LRP1B: variants seen among roughly 807,000 people sequenced by gnomAD.
LRP1B encodes LDL receptor related protein 1B, also known as low-density lipoprotein receptor-related protein 1B.
LRP1B carries 217 observed loss-of-function variants against 556.6 expected under a neutral mutation model. That is an observed-to-expected ratio of 0.39 (90% CI 0.35 to 0.44). The LOEUF is 0.44. Among genes scored for constraint, LRP1B ranks in the 20% least tolerant of loss-of-function variants. The pLI is 1.00. For synonymous variants in LRP1B, 2,047 were observed against 1,865.8 expected (o/e 1.10, Z -2.50); for missense variants, 5,053 against 5,620.8 (o/e 0.90, Z 3.23).
chr2:140,352,558 A>C (rs1445242909), intron 76 of LRP1B, among the ~76,000 whole-genome samples: 2 of 152,100 alleles, frequency 1.3e-5, no homozygotes, highest in Non-Finnish European at 2.9e-5. Flanking sequence ...AAACCTTTAA[A>C]ATCCTTACTC....
chr2:141,414,061 A>C (rs547191872), intron 3 of LRP1B, among the ~76,000 whole-genome samples: 22 of 151,700 alleles, frequency 1.5e-4, no homozygotes, highest in Admixed American at 3.9e-4. Flanking sequence ...GACGGTGAAA[A>C]CCTGTCTCTA....
intron 45 of LRP1B, among the ~76,000 whole-genome samples, chr2:140,540,483 G>A (rs922399736): frequency 1.3e-5 from 2 of 152,194 alleles, no homozygotes; most frequent in Non-Finnish European, 1.5e-5. Context: ...CACCATGCAA[G>A]GCTGCAATGT....
At chr2:141,348,425 A>G (rs1688328669) in intron 3 of LRP1B, among the ~76,000 whole-genome samples, 1 of 152,034 alleles carries the variant, frequency 6.6e-6, no homozygotes, top group Non-Finnish European at 1.5e-5. Context: ...AATGAGTGCA[A>G]GATAATATAA....
chr2:140,589,591 C>A (rs1347526223), intron 43 of LRP1B, among the ~76,000 whole-genome samples: 5 of 152,164 alleles, frequency 3.3e-5, no homozygotes, highest in Non-Finnish European at 7.4e-5. Flanking sequence ...TTATTCATAT[C>A]ATAGATACTA....
intron 1 of LRP1B, among the ~76,000 whole-genome samples, chr2:142,057,213 TA>T (rs1372942883): frequency 1.3e-5 from 2 of 152,138 alleles, no homozygotes; most frequent in Admixed American, 6.5e-5. Context: ...CATTGCACCT[TA>T]ATTACCCCAA....
At chr2:140,598,884 T>C (rs1271820481) in intron 42 of LRP1B, 49 bp from the exon 43 acceptor site, 1 of 1,219,532 alleles carries the variant, frequency 8.2e-7, no homozygotes, top group South Asian at 1.3e-5. Context: ...TCATCAAGAG[T>C]AAAAATACTA....
intron 62 of LRP1B, among the ~76,000 whole-genome samples, chr2:140,456,146 G>A (rs948204779): frequency 1.3e-5 from 2 of 152,136 alleles, no homozygotes; most frequent in Non-Finnish European, 1.5e-5. Flanking sequence ...AGATTATCTT[G>A]AGAGATTTCC....
At chr2:141,136,282 C>T (rs1483333566) in intron 7 of LRP1B, among the ~76,000 whole-genome samples, 1 of 151,790 alleles carries the variant, frequency 6.6e-6, no homozygotes, top group Non-Finnish European at 1.5e-5. Context: ...GGTAAAAAGT[C>T]ACCCTGAAGG....
rs1178173310 is a variant in LRP1B at position 140,840,925 on chromosome 2, C to G, written c.5107G>C (p.Val1703Leu). The G allele has an allele frequency of 6.2e-7, 1 of 1,600,520 alleles. No individual in the cohort carries two copies. The highest frequency in any genetic ancestry group is 1.3e-5 in the African/African-American group (1 of 74,374). The part of the protein sequence containing the change: ...DKPQCLAAHP[V>L]RGKLYWTDGN... ...AAAAAAATCATACTTTACCCCCTGACTGGGTGAGCTGCAAGACACTGTGGC... is the reference window on the plus strand; with the variant it reads ...AAAAAAATCATACTTTACCCCCTGAGTGGGTGAGCTGCAAGACACTGTGGC... Residue 1703 changes from valine to leucine, a missense_variant, in exon 30 of 91, where the codon GTC becomes CTC. Val to Leu is a conservative substitution (Grantham distance 32). Transcript: ENST00000389484.
intron 7 of LRP1B, among the ~76,000 whole-genome samples, chr2:141,145,278 A>G (rs1475327806): frequency 6.6e-6 from 1 of 152,140 alleles, no homozygotes; most frequent in Non-Finnish European, 1.5e-5. Context: ...TTTTAAATTT[A>G]GCTTAGTTCT....
At chr2:140,897,464 G>T (rs933894526) in intron 23 of LRP1B, among the ~76,000 whole-genome samples, 1 of 152,144 alleles carries the variant, frequency 6.6e-6, no homozygotes, top group East Asian at 1.9e-4. Context: ...GACTGTAATA[G>T]TTAATATTGA....
rs576359789 is a variant in LRP1B at position 141,856,441 on chromosome 2, G to A, written c.83-46040C>T. ...TATATTTTTGCTTCCTCAGACATGG[G>A]AAACCACTGTTCATACAAATTTCAC... On this transcript the variant is annotated intron_variant, in intron 1 of 90. Coordinates refer to ENST00000389484, the MANE Select transcript of LRP1B (RefSeq NM_018557.3). Among the ~76,000 whole-genome samples the A allele has an allele frequency of 1.5e-3, 225 of 152,102 alleles. 1 individual carries two copies. Among genetic ancestry groups the A allele is most frequent in the Non-Finnish European group, 1.4e-3 (94 of 67,990 alleles).
chr2:142,130,492 C>T (rs1404458760), intron 1 of LRP1B, among the ~76,000 whole-genome samples, 156 bp downstream of exon 1: 1 of 152,310 alleles, frequency 6.6e-6, no homozygotes, highest in East Asian at 1.9e-4. Flanking sequence ...CCGCACCGCA[C>T]CTCTCACCCC....
chr2:141,945,760 T>A (rs1341660252), intron 1 of LRP1B, among the ~76,000 whole-genome samples: 1 of 141,256 alleles, frequency 7.1e-6, no homozygotes, highest in Non-Finnish European at 1.6e-5. Context: ...TCAATGCACT[T>A]CATCTGTCTC....
intron 7 of LRP1B, chr2:141,167,282 T>C (rs770980007): frequency 1.3e-5 from 2 of 152,006 alleles, no homozygotes; most frequent in South Asian, 2.1e-4. Flanking sequence ...CTCACAAATA[T>C]CATCTTTATG....
At chr2:140,541,751 A>ATT (rs760504422) in intron 44 of LRP1B, 28 bp downstream of exon 44, 3 of 1,545,650 alleles carry the variant, frequency 1.9e-6, no homozygotes, top group Non-Finnish European at 2.7e-6. Flanking sequence ...ACAATGAAAA[A>ATT]ACACATTTGC....
At chr2:140,824,954 T>C (rs1691453354) in intron 31 of LRP1B, among the ~76,000 whole-genome samples, 3 of 152,132 alleles carry the variant, frequency 2.0e-5, no homozygotes. Context: ...TGCTATACGT[T>C]GAGGATATAA....
chr2:141,414,887 T>C (rs1174279251), intron 3 of LRP1B, among the ~76,000 whole-genome samples: 2 of 152,242 alleles, frequency 1.3e-5, no homozygotes, highest in Non-Finnish European at 2.9e-5. Flanking sequence ...CATGCACATA[T>C]CTGGGCCTCC....
At chr2:141,832,240 C>T (rs1007897841) in intron 1 of LRP1B, among the ~76,000 whole-genome samples, 3 of 150,280 alleles carry the variant, frequency 2.0e-5, no homozygotes, top group East Asian at 1.9e-4. Context: ...TGTACAATTA[C>T]GGTTTCTTCA....
Sources: allele counts gnomAD v4.1 joint callset (sites outside exome capture counted in the v4.1 genomes callset), GRCh38; gene constraint gnomAD v4.1.1; transcripts MANE v1.5; gene names NCBI Gene and HGNC (gene_info 2026-07-23, HGNC 2026-07-21).